The following CFAP20DC variants were observed in gnomAD, a reference collection of about 807,000 sequenced individuals.
CFAP20DC encodes CFAP20 domain containing, also known as protein CFAP20DC.
CFAP20DC carries 84 observed loss-of-function variants against 101.7 expected under a neutral mutation model. The ratio of observed to expected loss-of-function variants is 0.83; its 90% confidence interval spans 0.69 to 0.99. CFAP20DC has a LOEUF of 0.99. CFAP20DC is among the 50% of genes least tolerant of loss of function. CFAP20DC has a pLI of 0.00. For synonymous variants in CFAP20DC, 359 were observed against 351.2 expected (o/e 1.02, Z -0.25); for missense variants, 1,007 against 970.3 (o/e 1.04, Z -0.50).
chr3:59,049,248 C>T (rs1320043566), intron 1 of CFAP20DC, among the ~76,000 whole-genome samples: 1 of 152,212 alleles, frequency 6.6e-6, no homozygotes, highest in East Asian at 1.9e-4. Context: ...ACCAGTGTTG[C>T]ATGAATACTG....
intron 6 of CFAP20DC, among the ~76,000 whole-genome samples, chr3:58,911,863 G>A (rs1236520770): frequency 6.6e-6 from 1 of 151,968 alleles, no homozygotes; most frequent in East Asian, 1.9e-4. Flanking sequence ...GGAACCTGGG[G>A]TCCTCCTATA....
chr3:58,827,448 A>G (rs1232401491), intron 14 of CFAP20DC, among the ~76,000 whole-genome samples: 3 of 151,700 alleles, frequency 2.0e-5, no homozygotes, highest in African/African-American at 7.3e-5. Context: ...CGAGACAAGC[A>G]AAACTCATTT....
rs746167323 is a variant in CFAP20DC at position 58,867,817 on chromosome 3, CGCTGGGTGTCTCTGTCCTTTCTCT to C, written c.1111_1134del (p.Arg371_Ser378del). The stretch of plus-strand genomic sequence containing the variant: ...AGATAGGATTGAAATAGTGCCATAC[CGCTGGGTGTCTCTGTCCTTTCTCT>C]GCTGGTACTTTTTAACCGTAATCTT... On this transcript the variant is annotated inframe_deletion and splice_region_variant, in exon 10 of 17. Coordinates refer to ENST00000482387, the MANE Select transcript of CFAP20DC (RefSeq NM_001394063.1). 1.2e-6 allele frequency: 2 copies of C among 1,613,386 alleles called. No individual in the cohort carries two copies. Among genetic ancestry groups the C allele is most frequent in the South Asian group, 2.2e-5 (2 of 91,046 alleles).
rs80343185 is a variant in CFAP20DC at position 58,984,212 on chromosome 3, G to A, written c.279-46450C>T. ...TTAGATAAAACCTTTCTTTTGAAGT[G>A]CCCAAGAGAACTTCTGCAGTAAATC... On this transcript the variant is annotated intron_variant, in intron 4 of 16. Transcript: ENST00000482387. Among the ~76,000 whole-genome samples the A allele has an allele frequency of 5.3e-3, 809 of 152,250 alleles. 10 individuals carry two copies. The highest frequency in any genetic ancestry group is 0.019 in the African/African-American group (770 of 41,552).
chr3:58,847,087 T>C (rs1369946321), intron 13 of CFAP20DC, among the ~76,000 whole-genome samples: 3 of 116,284 alleles, frequency 2.6e-5, no homozygotes, highest in Admixed American at 9.3e-5. Context: ...GGCATTACCA[T>C]TCAGGACATA....
chr3:59,003,772 C>T (rs2093368075), intron 4 of CFAP20DC, among the ~76,000 whole-genome samples: 1 of 152,148 alleles, frequency 6.6e-6, no homozygotes, highest in South Asian at 2.1e-4. Flanking sequence ...AAGTTTGAAA[C>T]TAACTTGCGG....
intron 4 of CFAP20DC, among the ~76,000 whole-genome samples, chr3:59,021,516 G>T (rs143007560): frequency 6.6e-6 from 1 of 152,150 alleles, no homozygotes; most frequent in Admixed American, 6.5e-5. Flanking sequence ...GCCTTCTTAG[G>T]GAATCTCCTC....
rs73078074 is a variant in CFAP20DC, at chr3:59,030,232, T to C, written c.278+9325A>G. 6.7e-3 allele frequency among the ~76,000 whole-genome samples: 1,025 copies of C among 152,252 alleles called. 7 individuals are homozygous for C. The highest frequency in any genetic ancestry group is 0.011 in the Non-Finnish European group (728 of 68,002). ...GCCTAGAGCTATGCTGCCAGAAACA[T>C]AGTAAAACACTGAGGGTGCTGAAAG... On this transcript the variant is annotated intron_variant, in intron 4 of 16. Coordinates refer to ENST00000482387, the MANE Select transcript of CFAP20DC (RefSeq NM_001394063.1).
rs73078058 is a variant in CFAP20DC, at chr3:58,907,095, G to A, written c.550+6613C>T. On this transcript the variant is annotated intron_variant, in intron 6 of 16. Transcript: ENST00000482387. ...TTAAGACCTTCCTACTTTGTGCCTC[G>A]TGTGTGTGTGTGTGTGTGTGTATGT... 9.1e-3 allele frequency among the ~76,000 whole-genome samples: 1,014 copies of A among 111,090 alleles called. 8 individuals are homozygous for A. Among genetic ancestry groups the A allele is most frequent in the Non-Finnish European group, 0.011 (667 of 61,432 alleles). 72.9% of individuals were successfully genotyped at this position (111,090 alleles called of 152,430 possible).
chr3:58,852,579 T>G (rs578010861), intron 12 of CFAP20DC, among the ~76,000 whole-genome samples: 17 of 151,708 alleles, frequency 1.1e-4, no homozygotes, highest in East Asian at 1.9e-4. Flanking sequence ...ACCACATACT[T>G]GGAAGTAAAG....
At chr3:58,941,207 T>C (rs1444019392) in intron 4 of CFAP20DC, among the ~76,000 whole-genome samples, 2 of 151,478 alleles carry the variant, frequency 1.3e-5, no homozygotes, top group Non-Finnish European at 2.9e-5. Flanking sequence ...CACATGCCTA[T>C]AATCCCAGCT....
At chr3:58,817,189 A>G (rs2075254741) in intron 14 of CFAP20DC, among the ~76,000 whole-genome samples, 1 of 144,446 alleles carries the variant, frequency 6.9e-6, no homozygotes, top group Non-Finnish European at 1.5e-5. Flanking sequence ...AAAGATGGGG[A>G]AAAAACAGAA....
At chr3:58,791,570 T>C (rs559384442) in intron 15 of CFAP20DC, among the ~76,000 whole-genome samples, 1 of 152,214 alleles carries the variant, frequency 6.6e-6, no homozygotes, top group Non-Finnish European at 1.5e-5. Flanking sequence ...TGAAAATATA[T>C]GAAATGCTGT....
At chr3:58,917,762 G>C (rs1279237958) in intron 5 of CFAP20DC, among the ~76,000 whole-genome samples, 1 of 152,108 alleles carries the variant, frequency 6.6e-6, no homozygotes, top group Non-Finnish European at 1.5e-5. Flanking sequence ...ATATTTACAA[G>C]GTTAGAAGAA....
At position 59,002,551 on chromosome 3, in the gene CFAP20DC, A is replaced by T. The variant is rs368841954; in HGVS notation, c.278+37006T>A. Among the ~76,000 whole-genome samples, 19 of 152,224 alleles carry T rather than the reference A, an allele frequency of 1.2e-4. No homozygotes were observed. The highest frequency in any genetic ancestry group is 4.1e-4 in the African/African-American group (17 of 41,460). On this transcript the variant is annotated intron_variant, in intron 4 of 16. Transcript: ENST00000482387. This position sits in a 1 kb window ranked among gnomAD's most constrained non-coding sequence, Gnocchi z 4.5. The stretch of plus-strand genomic sequence containing the variant: ...CTGGTCATCATAACAAAAAGAAAAT[A>T]AAAGTTACTCACAAATTAACATCAC...
intron 14 of CFAP20DC, among the ~76,000 whole-genome samples, chr3:58,816,352 G>A (rs550283943): frequency 2.0e-5 from 3 of 152,184 alleles, no homozygotes; most frequent in Non-Finnish European, 2.9e-5. Flanking sequence ...CAGAAGACGG[G>A]TGACTTCTGC....
chr3:58,837,753 ATTAGAAAGTT>A (rs2076834779), intron 13 of CFAP20DC, among the ~76,000 whole-genome samples: 1 of 152,194 alleles, frequency 6.6e-6, no homozygotes, highest in Non-Finnish European at 1.5e-5. Context: ...TATAGCTGTC[ATTAGAAAGTT>A]TTGGAAGATG....
Position 58,845,608 on chromosome 3 carries a change from T to C in CFAP20DC, c.1971+3424A>G, listed in dbSNP as rs534555603. ...TACAAGGAGGAACTGGTACCTTTCC[T>C]TCTGAAACTATTCCAATCAATACAA... is the stretch of plus-strand genomic sequence containing the variant. On this transcript the variant is annotated intron_variant, in intron 13 of 16. Transcript: ENST00000482387. Among the ~76,000 whole-genome samples, 67 of 152,262 alleles carry C rather than the reference T, an allele frequency of 4.4e-4. No individual in the cohort carries two copies. In the East Asian group the frequency reaches 0.012, roughly 27 times the overall value.
intron 13 of CFAP20DC, 24 bp from the exon 14 acceptor site, chr3:58,831,913 C>T: frequency 6.2e-7 from 1 of 1,605,412 alleles, no homozygotes; most frequent in Non-Finnish European, 8.5e-7. Context: ...AGGAAAATAA[C>T]AAAGGGTCAT....
Sources: gnomAD v4.1 joint callset for allele counts (sites outside exome capture counted in the v4.1 genomes callset) on GRCh38, gnomAD v4.1.1 for gene constraint, Gnocchi (gnomAD v3.1) non-coding constraint, MANE v1.5 for transcripts, NCBI Gene and HGNC (gene_info 2026-07-23, HGNC 2026-07-21) for gene names.